TTC7A: variants seen among roughly 807,000 people sequenced by gnomAD.
TTC7A encodes the protein tetratricopeptide repeat protein 7A.
Under a neutral mutation model 103.7 loss-of-function variants are expected in TTC7A, and 110 were observed. The observed-to-expected ratio is 1.06, with a 90% CI of 0.91 to 1.24. TTC7A has a LOEUF of 1.24. TTC7A is among the 50% of genes most tolerant of loss of function. The pLI, the probability that TTC7A is intolerant of heterozygous loss-of-function variation, is 0.00. For synonymous variants in TTC7A, 521 were observed against 467.9 expected (o/e 1.11, Z -1.47); for missense variants, 1,340 against 1,116.3 (o/e 1.20, Z -2.86).
intron 19 of TTC7A, among the ~76,000 whole-genome samples, chr2:47,067,257 G>A (rs1273534226): frequency 1.3e-5 from 2 of 152,256 alleles, no homozygotes; most frequent in Admixed American, 6.5e-5. Context: ...ACTCTCTTGT[G>A]ACTTCAAGGA....
At chr2:46,986,510 TG>T (rs1190061205) in intron 5 of TTC7A, among the ~76,000 whole-genome samples, 1 of 128,872 alleles carries the variant, frequency 7.8e-6, no homozygotes, top group Admixed American at 7.7e-5. Flanking sequence ...TGCTCTGTGC[TG>T]GGGGGGAAAG....
intron 18 of TTC7A, among the ~76,000 whole-genome samples, chr2:47,053,563 G>T (rs1179601367): frequency 1.7e-4 from 25 of 150,840 alleles, no homozygotes; most frequent in Non-Finnish European, 2.5e-4. Context: ...TGGTTGGTTG[G>T]TTGGTTGGTT....
chr2:46,990,055 G>A (rs1010217162), intron 5 of TTC7A, among the ~76,000 whole-genome samples: 1 of 152,172 alleles, frequency 6.6e-6, no homozygotes, highest in African/African-American at 2.4e-5. Context: ...AGGACCTGCC[G>A]GCCCCCTGTA....
At chr2:47,005,777 A>G in intron 8 of TTC7A, 145 bp from the exon 9 acceptor site, 1 of 861,112 alleles carries the variant, frequency 1.2e-6, no homozygotes, top group African/African-American at 1.7e-5. Flanking sequence ...GGAAAAGGCC[A>G]TTTCTGGGAG....
intron 18 of TTC7A, among the ~76,000 whole-genome samples, chr2:47,057,257 C>T (rs1257790070): frequency 1.3e-5 from 2 of 152,210 alleles, no homozygotes; most frequent in Non-Finnish European, 2.9e-5. Flanking sequence ...TGCCAGGCTG[C>T]CAGAAGCCTT....
At chr2:46,916,269 G>C (rs1668783835) in exon 1 of TTC7A, 1 of 729,406 alleles carries the variant, frequency 1.4e-6, no homozygotes, top group East Asian at 1.3e-4. Context: ...ACACGCTGGA[G>C]CCGGCCTTGG....
In TTC7A at chr2:47,007,988, C is replaced by T. The variant is rs1030761197; in HGVS notation, c.1287+1264C>T. On this transcript the variant is annotated intron_variant, in intron 10 of 19. Transcript: ENST00000319190. The surrounding 1 kb of genome is among the most constrained non-coding windows in gnomAD (Gnocchi z 4.9). ...CAGGCAAAGGAGACAATGTGGGCAA[C>T]GGTGAAGGGGCTGGAAAAGACGAGC... 2.6e-5 allele frequency among the ~76,000 whole-genome samples: 4 copies of T among 152,088 alleles called. No homozygotes were observed. Among genetic ancestry groups the T allele is most frequent in the African/African-American group, 4.8e-5 (2 of 41,406 alleles).
chr2:46,988,530 T>A (rs1675283909), intron 5 of TTC7A, among the ~76,000 whole-genome samples: 1 of 152,232 alleles, frequency 6.6e-6, no homozygotes, highest in Admixed American at 6.5e-5. Context: ...AGTATCTGTT[T>A]AGGTTCCATT....
intron 3 of TTC7A, among the ~76,000 whole-genome samples, chr2:46,966,782 A>G (rs1006097917): frequency 9.3e-6 from 1 of 107,490 alleles, no homozygotes; most frequent in South Asian, 3.1e-4. Flanking sequence ...GTGAGTCACC[A>G]CCCCCAGCTT....
intron 3 of TTC7A, among the ~76,000 whole-genome samples, chr2:46,960,050 G>C (rs1296815772): frequency 6.6e-6 from 1 of 152,236 alleles, no homozygotes; most frequent in Non-Finnish European, 1.5e-5. Flanking sequence ...CCAGCCACCA[G>C]CATTCCTGGT....
chr2:46,974,025 G>A (rs1572776505), intron 3 of TTC7A, among the ~76,000 whole-genome samples: 2 of 152,346 alleles, frequency 1.3e-5, no homozygotes, highest in African/African-American at 4.8e-5. Flanking sequence ...GCCTGGTGGT[G>A]AAACCAGGCT....
At chr2:46,974,451 G>A (rs1673656858) in intron 3 of TTC7A, among the ~76,000 whole-genome samples, 1 of 152,192 alleles carries the variant, frequency 6.6e-6, no homozygotes, top group African/African-American at 2.4e-5. Flanking sequence ...CACACTTTAG[G>A]ATGTAAATTG....
In TTC7A at chr2:47,032,464, G is replaced by A. The variant is rs564559293; in HGVS notation, c.1802+3080G>A. ...CTCACCCATGCAGACATCGCAGAGC[G>A]ACTGCAAGGGCTTCAGGAGCTGTGG... is the stretch of plus-strand genomic sequence containing the variant. On this transcript the variant is annotated intron_variant, in intron 15 of 19. Coordinates refer to ENST00000319190, the MANE Select transcript of TTC7A (RefSeq NM_020458.4). Among the ~76,000 whole-genome samples, 3 of 152,338 alleles carry A rather than the reference G, an allele frequency of 2.0e-5. No individual in the cohort carries two copies. In the East Asian group the frequency reaches 5.8e-4, roughly 29 times the overall value.
intron 4 of TTC7A, among the ~76,000 whole-genome samples, chr2:46,976,237 A>G (rs1454171874): frequency 1.3e-5 from 2 of 152,240 alleles, no homozygotes; most frequent in East Asian, 3.8e-4. Flanking sequence ...TCCTGTTGTC[A>G]TTCCCATTTT....
Position 46,941,682 on chromosome 2 carries a change from C to T in TTC7A, c.141C>T (p.Asn47=). 6.4e-7 allele frequency: 1 copy of T among 1,551,520 alleles called. No homozygotes were observed. Among genetic ancestry groups the T allele is most frequent in the East Asian group, 2.4e-5 (1 of 41,132 alleles). The part of the protein sequence containing the change: ...QTLSMPGGGG[N]RRGSPSAAFT... ...TGAGCATGCCCGGCGGCGGAGGTAACAGGCGAGGCAGCCCGAGCGCAGCGT... is the reference window on the plus strand; with the variant it reads ...TGAGCATGCCCGGCGGCGGAGGTAATAGGCGAGGCAGCCCGAGCGCAGCGT... The change falls in exon 1 of 20, where the codon AAC becomes AAT. Residue 47 remains asparagine, a synonymous_variant. Coordinates refer to ENST00000319190, the MANE Select transcript of TTC7A (RefSeq NM_020458.4). The surrounding 1 kb of genome is among the most constrained non-coding windows in gnomAD (Gnocchi z 4.2).
In TTC7A at chr2:46,921,963, G is replaced by A. The variant is rs1426581753; in HGVS notation, c.82+4686G>A. ...TGTGCAGCTGACCCACACTAGTTGG[G>A]GGGTGAGGGCCCCTGTAAGAAATAA... On this transcript the variant is annotated intron_variant, in intron 2 of 20. Coordinates refer to the TTC7A transcript ENST00000409245. Among the ~76,000 whole-genome samples the A allele has an allele frequency of 3.3e-5, 5 of 152,314 alleles. No individual in the cohort carries two copies. In the Middle Eastern group the frequency reaches 0.01, roughly 311 times the overall value.
At chr2:46,945,913 G>A (rs13401423) in intron 1 of TTC7A, among the ~76,000 whole-genome samples, 26,523 of 152,204 alleles carry the variant, frequency 0.17, 2,396 homozygotes, top group Non-Finnish European at 0.19. Flanking sequence ...AAACCACTGT[G>A]CCCGTTTGCC....
chr2:47,011,266 C>G (rs1008607146), intron 10 of TTC7A, 65 bp from the exon 11 acceptor site: 2 of 1,468,584 alleles, frequency 1.4e-6, no homozygotes, highest in South Asian at 2.4e-5. Flanking sequence ...GGAAGCTCGC[C>G]CCACTGTGGG....
At chr2:46,935,648 C>G (rs1228821136) in intron 2 of TTC7A, among the ~76,000 whole-genome samples, 4 of 152,192 alleles carry the variant, frequency 2.6e-5, no homozygotes, top group African/African-American at 9.7e-5. Flanking sequence ...AGTGATCCAA[C>G]TGAGACCTCC....
Sources: gnomAD v4.1 joint callset for allele counts (sites outside exome capture counted in the v4.1 genomes callset) on GRCh38, gnomAD v4.1.1 for gene constraint, Gnocchi (gnomAD v3.1) non-coding constraint, MANE v1.5 for transcripts, NCBI Gene and HGNC (gene_info 2026-07-23, HGNC 2026-07-21) for gene names.